The following RADIL variants were observed in gnomAD, a reference collection of about 807,000 sequenced individuals.
RADIL encodes the protein Rap associating with DIL domain.
Under a neutral mutation model 97.6 loss-of-function variants are expected in RADIL, and 99 were observed. The ratio of observed to expected loss-of-function variants is 1.01; its 90% CI spans 0.86 to 1.20. RADIL has a LOEUF of 1.20. Ranked by LOEUF, RADIL falls within the 50% of genes most tolerant of loss-of-function variation. RADIL has a pLI of 0.00. For missense variants in RADIL, 1,765 were observed against 1,498.9 expected (o/e 1.18, Z -2.93); for synonymous variants, 803 against 691.8 (o/e 1.16, Z -2.52).
rs575761666 is a variant in RADIL, at chr7:4,882,335, C to T, written c.-65+1261G>A. The stretch of plus-strand genomic sequence containing the variant: ...GCCCTGGGTAACAAGATCTGTTTTT[C>T]TGGAAGTGCGACCGGCCTCTTCTGC... On this transcript the variant is annotated intron_variant, in intron 1 of 14. Transcript: ENST00000399583. 5.1e-4 allele frequency: 77 copies of T among 152,404 alleles called. 1 individual carries two copies. Among genetic ancestry groups the T allele is most frequent in the Admixed American group, 1.1e-3 (17 of 15,306 alleles). The allele number at this position is 152,404 out of a possible 1,614,324, so 9.4% of individuals were successfully genotyped here.
intron 2 of RADIL, among the ~76,000 whole-genome samples, chr7:4,875,788 T>C (rs961800338): frequency 6.6e-6 from 1 of 152,096 alleles, no homozygotes; most frequent in South Asian, 2.1e-4. Flanking sequence ...GAGGTCTTTT[T>C]GAATCAGGAG....
rs1308707137 is a variant in RADIL, at chr7:4,837,581, A to G, written c.536-976T>C. Among the ~76,000 whole-genome samples the G allele has an allele frequency of 1.3e-5, 2 of 152,100 alleles. No homozygotes were observed. Among genetic ancestry groups the G allele is most frequent in the Non-Finnish European group, 2.9e-5 (2 of 68,020 alleles). ...TGTGCATACACATGCCCACAAATAC[A>G]CATGCACCCACACAAAAATGCACAC... On this transcript the variant is annotated intron_variant, in intron 2 of 14. Coordinates refer to ENST00000399583, the MANE Select transcript of RADIL (RefSeq NM_018059.5). The surrounding 1 kb of genome is among the most constrained non-coding windows in gnomAD (Gnocchi z 5.6).
At chr7:4,882,442 GCT>G (rs1784506108) in intron 1 of RADIL, among the ~76,000 whole-genome samples, 1 of 152,202 alleles carries the variant, frequency 6.6e-6, no homozygotes, top group African/African-American at 2.4e-5. Flanking sequence ...GGCTGGTGCT[GCT>G]CTTAGAGAAT....
At chr7:4,808,239 G>A (rs532347911) in intron 9 of RADIL, among the ~76,000 whole-genome samples, 4 of 134,622 alleles carry the variant, frequency 3.0e-5, no homozygotes, top group South Asian at 2.6e-4. Context: ...CTCTCTCCCC[G>A]CTCCTCACCC....
intron 2 of RADIL, among the ~76,000 whole-genome samples, chr7:4,838,547 C>T (rs1783361740): frequency 6.6e-6 from 1 of 152,186 alleles, no homozygotes; most frequent in Admixed American, 6.5e-5. Flanking sequence ...GTGTACCCTG[C>T]TCCTCCAGGC....
At chr7:4,870,448 T>C (rs1784226463) in intron 2 of RADIL, among the ~76,000 whole-genome samples, 1 of 152,142 alleles carries the variant, frequency 6.6e-6, no homozygotes, top group African/African-American at 2.4e-5. Flanking sequence ...TTTTGTTTTG[T>C]TTTGTTTCTT....
Position 4,860,925 on chromosome 7 carries a change from G to T in RADIL, c.535+16680C>A, listed in dbSNP as rs566900862. 175 of 1,614,252 alleles carry T rather than the reference G, an allele frequency of 1.1e-4. No homozygotes were observed. Among genetic ancestry groups the T allele is most frequent in the Admixed American group, 6.8e-4 (41 of 60,024 alleles). ...CTTGGGTCCCATACAGGCAAATTAAGATTCCGTTCTTCAGGCTCCTTCAGT... is the reference window on the plus strand; with the variant it reads ...CTTGGGTCCCATACAGGCAAATTAATATTCCGTTCTTCAGGCTCCTTCAGT... On this transcript the variant is annotated intron_variant, in intron 2 of 14. Coordinates refer to ENST00000399583, the MANE Select transcript of RADIL (RefSeq NM_018059.5).
In RADIL at chr7:4,822,267, G is replaced by A; in HGVS notation, c.1615+127C>T. The A allele has an allele frequency of 8.2e-7, 1 of 1,223,768 alleles. No homozygotes were observed. Among genetic ancestry groups the A allele is most frequent in the Non-Finnish European group, 1.1e-6 (1 of 903,084 alleles). 75.8% of individuals were successfully genotyped at this position (1,223,768 alleles called of 1,614,324 possible). A position where few individuals can be genotyped will look rare whatever the true frequency, so the allele number is the denominator to read the frequency against. ...ACTGACACATGGCAGCCTAGGGACT[G>A]AGGAAGCCCCCGGCATGAATCCACC... On this transcript the variant is annotated intron_variant, in intron 6 of 14. Coordinates refer to ENST00000399583, the MANE Select transcript of RADIL (RefSeq NM_018059.5). The surrounding 1 kb of genome is among the most constrained non-coding windows in gnomAD (Gnocchi z 5.3).
rs548929708 is a variant in RADIL at position 4,842,745 on chromosome 7, T to C, written c.536-6140A>G. ...AACTTGGAACCGTTTCTGTCACCCA[T>C]CCCCACTCGCAGGCCTCAGAGATGA... On this transcript the variant is annotated intron_variant, in intron 2 of 14. Coordinates refer to ENST00000399583, the MANE Select transcript of RADIL (RefSeq NM_018059.5). The surrounding 1 kb of genome is among the most constrained non-coding windows in gnomAD (Gnocchi z 4.5). 1.5e-4 allele frequency among the ~76,000 whole-genome samples: 23 copies of C among 152,188 alleles called. No homozygotes were observed. The East Asian group carries it at 4.2e-3, about 28-fold the overall frequency.
chr7:4,806,028 G>A, intron 9 of RADIL: 2 of 985,486 alleles, frequency 2.0e-6, no homozygotes, highest in Non-Finnish European at 2.4e-6. Flanking sequence ...ACTGGGAAAT[G>A]AACAGTGAAA....
rs1337448115 is a variant in RADIL at position 4,837,146 on chromosome 7, C to G, written c.536-541G>C. 6.6e-6 allele frequency among the ~76,000 whole-genome samples: 1 copy of G among 152,194 alleles called. No individual in the cohort carries two copies. Among genetic ancestry groups the G allele is most frequent in the African/African-American group, 2.4e-5 (1 of 41,452 alleles). On this transcript the variant is annotated intron_variant, in intron 2 of 14. Coordinates refer to ENST00000399583, the MANE Select transcript of RADIL (RefSeq NM_018059.5). This position sits in a 1 kb window ranked among gnomAD's most constrained non-coding sequence, Gnocchi z 5.6. Reference sequence around the variant, plus strand: ...TGGCACCCACAGAACAGTCTCAGAGCAGGCAGCCTGCCTGTCAAATCCTCA... The same window carrying G: ...TGGCACCCACAGAACAGTCTCAGAGGAGGCAGCCTGCCTGTCAAATCCTCA...
chr7:4,808,599 G>T (rs935383411), intron 9 of RADIL: 1 of 985,226 alleles, frequency 1.0e-6, no homozygotes, highest in African/African-American at 1.7e-5. Flanking sequence ...CTCACAGCTT[G>T]GCCCTTTACA....
In RADIL at chr7:4,816,444, C is replaced by T. The variant is rs1258537332; in HGVS notation, c.1750G>A (p.Ala584Thr). ...VSKSLYICLP[A>T]LLECPPFQTE... ...TGGAATGGCGGGCACTCCAGGAGTG[C>T]CGGGAGGCAGATGTACAGGGACTGG... is the stretch of plus-strand genomic sequence containing the variant. Residue 584 changes from alanine (A) to threonine (T), a missense_variant, in exon 8 of 15, where the codon GCA (alanine) becomes ACA (threonine). Transcript: ENST00000399583. The T allele has an allele frequency of 6.2e-7, 1 of 1,607,176 alleles. No individual in the cohort carries two copies. The highest frequency in any genetic ancestry group is 1.7e-5 in the Admixed American group (1 of 59,292).
chr7:4,844,028 C>T (rs11982597), intron 2 of RADIL, among the ~76,000 whole-genome samples: 82,475 of 151,748 alleles, frequency 0.54, 23,237 homozygotes, highest in African/African-American at 0.7. Flanking sequence ...AGAATATATA[C>T]GTAACTTCCT....
intron 7 of RADIL, among the ~76,000 whole-genome samples, chr7:4,816,669 G>A (rs913363580): frequency 2.6e-5 from 4 of 152,266 alleles, no homozygotes; most frequent in Admixed American, 2.6e-4. Context: ...GCTGCTGGGA[G>A]CAGAGGTGGG....
rs760718181 is a variant in RADIL at position 4,817,478 on chromosome 7, C to T, written c.1616-127G>A. The T allele has an allele frequency of 1.9e-4, 140 of 738,112 alleles. No individual in the cohort carries two copies. Among genetic ancestry groups the T allele is most frequent in the Middle Eastern group, 3.9e-4 (1 of 2,580 alleles). 45.7% of individuals were successfully genotyped at this position (738,112 alleles called of 1,614,324 possible). On this transcript the variant is annotated intron_variant, in intron 6 of 14. Transcript: ENST00000399583. The surrounding 1 kb of genome is among the most constrained non-coding windows in gnomAD (Gnocchi z 8.3). Reference sequence around the variant, plus strand: ...AACGCGCCCATCTGGGGTCCAGATGCGATAAACTGGCCGAGGGACTCTGGG... The same window carrying T: ...AACGCGCCCATCTGGGGTCCAGATGTGATAAACTGGCCGAGGGACTCTGGG...
chr7:4,807,488 CCTCT>C (rs1397886506), intron 9 of RADIL, among the ~76,000 whole-genome samples: 10 of 150,722 alleles, frequency 6.6e-5, no homozygotes, highest in African/African-American at 9.8e-5. Flanking sequence ...TCTCCCCCTC[CCTCT>C]GTCTGTCTCC....
chr7:4,832,056 C>G (rs931986694), intron 5 of RADIL, 85 bp downstream of exon 5: 2 of 1,451,836 alleles, frequency 1.4e-6, no homozygotes, highest in South Asian at 2.4e-5. Flanking sequence ...CGTGGGGAGA[C>G]CCCTCGGGAC....
At position 4,816,461 on chromosome 7, in the gene RADIL, A is replaced by C. The variant is rs759467196; in HGVS notation, c.1733T>G (p.Leu578Arg). 3 of 1,605,750 alleles carry C rather than the reference A, an allele frequency of 1.9e-6. No individual in the cohort carries two copies. Among genetic ancestry groups the C allele is most frequent in the Non-Finnish European group, 2.6e-6 (3 of 1,176,278 alleles). The change falls in exon 8 of 15, where the codon CTG (leucine) becomes CGG (arginine). Residue 578 changes from leucine to arginine, a missense_variant. Physicochemically the swap from Leu to Arg is moderately radical, Grantham distance 102 (BLOSUM62 -2). Coordinates refer to ENST00000399583, the MANE Select transcript of RADIL (RefSeq NM_018059.5). ...CAGGAGTGCCGGGAGGCAGATGTAC[A>C]GGGACTGGCGGGGGCAAGAGGAGAA... is the stretch of plus-strand genomic sequence containing the variant. ...QQCVYYVSKSLYICLPALLEC... is the reference protein window; with the variant it reads ...QQCVYYVSKSRYICLPALLEC...
Sources: gnomAD v4.1 joint callset for allele counts (sites outside exome capture counted in the v4.1 genomes callset) on GRCh38, gnomAD v4.1.1 for gene constraint, Gnocchi (gnomAD v3.1) non-coding constraint, MANE v1.5 for transcripts, NCBI Gene and HGNC (gene_info 2026-07-23, HGNC 2026-07-21) for gene names.